The following ZBED6 variants were observed in gnomAD, a reference collection of about 807,000 sequenced individuals.
ZBED6 encodes the protein zinc finger BED domain-containing protein 6.
ZBED6 carries 40 observed loss-of-function variants against 58.4 expected under a neutral mutation model. The ratio of observed to expected loss-of-function variants is 0.68; its 90% CI spans 0.53 to 0.89. The LOEUF (loss-of-function observed/expected upper bound fraction) is 0.89. Among genes scored for constraint, ZBED6 ranks in the 40% least tolerant of loss-of-function variants. The pLI is 0.00. For missense variants in ZBED6, 1,057 were observed against 1,003.9 expected, an observed-to-expected ratio of 1.05 and a Z score of -0.71; for synonymous variants, 439 against 350.6, an observed-to-expected ratio of 1.25 and a Z score of -2.82.
At position 203,805,758 on chromosome 1, in the gene ZBED6, A is replaced by G. The variant is rs1672108570; in HGVS notation, c.*2554+2742A>G. On this transcript the variant is annotated intron_variant, in intron 1 of 16. Transcript: ENST00000550078. Reference sequence around the variant, plus strand: ...AGAACTCTTGGTCAGCCACAAGCTCATCACCCAGTGTATCCAACTCTGCTT... The same window carrying G: ...AGAACTCTTGGTCAGCCACAAGCTCGTCACCCAGTGTATCCAACTCTGCTT... 7.4e-6 allele frequency: 5 copies of G among 677,928 alleles called. No individual in the cohort carries two copies. The East Asian group carries it at 1.8e-4, about 24-fold the overall frequency. 42.0% of individuals were successfully genotyped at this position (677,928 alleles called of 1,614,324 possible).
intron 8 of ZBED6, among the ~76,000 whole-genome samples, chr1:203,832,550 G>A (rs750097691): frequency 6.6e-6 from 1 of 152,016 alleles, no homozygotes; most frequent in Admixed American, 6.6e-5. Context: ...TGGTAGAAAC[G>A]GGGTTTCACC....
At chr1:203,842,354 C>T (rs528419548) in intron 11 of ZBED6, among the ~76,000 whole-genome samples, 90 of 152,266 alleles carry the variant, frequency 5.9e-4, no homozygotes, top group Middle Eastern at 3.4e-3. Context: ...CCCGGCACCT[C>T]GGGAGGCTGA....
At chr1:203,837,445 C>T (rs1333970997) in intron 9 of ZBED6, among the ~76,000 whole-genome samples, 4 of 150,118 alleles carry the variant, frequency 2.7e-5, no homozygotes, top group South Asian at 4.2e-4. Flanking sequence ...TGTTCTTTCC[C>T]TTGTCTCTCT....
rs199840725 is a variant in ZBED6, at chr1:203,818,692, A to G, written c.*2873+3A>G. 304 of 1,614,076 alleles carry G rather than the reference A, an allele frequency of 1.9e-4. 1 individual carries two copies. In the African/African-American group the frequency reaches 3.6e-3, roughly 19 times the overall value. ...GGTTTCGGCACATGGAGATTGATGT[A>G]AGTTTTTTATTTCCGTTATCATAAT... On this transcript the variant is annotated splice_donor_region_variant and intron_variant, in intron 3 of 16. Transcript: ENST00000550078.
chr1:203,805,771 T>TC (rs1672114967), intron 1 of ZBED6: 2 of 691,334 alleles, frequency 2.9e-6, no homozygotes, highest in Non-Finnish European at 5.5e-6. Context: ...ACCCAGTGTA[T>TC]CCAACTCTGC....
exon 2 of ZBED6, chr1:203,816,957 A>C (rs546884020): frequency 3.3e-6 from 2 of 612,082 alleles, no homozygotes; most frequent in African/African-American, 3.8e-5. Flanking sequence ...TCTGTGATCA[A>C]GTTGTCATTT....
At chr1:203,838,195 T>C (rs985141115) in intron 10 of ZBED6, 131 bp downstream of exon 10, 13 of 864,962 alleles carry the variant, frequency 1.5e-5, no homozygotes, top group Non-Finnish European at 2.1e-5. Flanking sequence ...TATTATTCAC[T>C]CAACAAACAT....
intron 3 of ZBED6, among the ~76,000 whole-genome samples, chr1:203,825,593 C>T (rs1193357683): frequency 6.6e-6 from 1 of 151,952 alleles, no homozygotes; most frequent in Non-Finnish European, 1.5e-5. Flanking sequence ...CTCCACCATG[C>T]CCAGCTAATT....
chr1:203,829,703 A>G (rs374365948), intron 5 of ZBED6, 49 bp downstream of exon 5: 5 of 1,612,716 alleles, frequency 3.1e-6, no homozygotes, highest in Non-Finnish European at 4.2e-6. Flanking sequence ...AGGGTCTCAT[A>G]GTGAATTGGG....
intron 10 of ZBED6, among the ~76,000 whole-genome samples, chr1:203,839,419 G>T (rs1685394825): frequency 6.6e-6 from 1 of 152,128 alleles, no homozygotes; most frequent in African/African-American, 2.4e-5. Flanking sequence ...TGTATGACTT[G>T]CAGTGAAACA....
intron 6 of ZBED6, 108 bp from the exon 7 acceptor site, chr1:203,830,011 ATACT>A (rs1681750817): frequency 3.8e-6 from 5 of 1,299,340 alleles, no homozygotes; most frequent in Non-Finnish European, 4.4e-6. Context: ...ATACTTACCT[ATACT>A]TAGTTTCTGT....
At chr1:203,836,384 CT>C (rs1246579385) in intron 9 of ZBED6, among the ~76,000 whole-genome samples, 7 of 152,224 alleles carry the variant, frequency 4.6e-5, no homozygotes, top group Non-Finnish European at 1.0e-4. Context: ...AACAATGTAA[CT>C]TCAGTCAAGT....
intron 10 of ZBED6, among the ~76,000 whole-genome samples, chr1:203,839,571 T>C (rs1013338630): frequency 8.5e-5 from 13 of 152,324 alleles, no homozygotes; most frequent in African/African-American, 3.1e-4. Context: ...TTTGGAGGTT[T>C]TCTTGCATTC....
At chr1:203,798,579 A>G (rs775730425) in exon 1 of ZBED6, 8 of 1,536,174 alleles carry the variant, frequency 5.2e-6, no homozygotes, top group Non-Finnish European at 7.0e-6. Context: ...AGAAAAGTCT[A>G]CAGGCAGCCA....
chr1:203,798,821 T>G, exon 1 of ZBED6: 1 of 1,536,158 alleles, frequency 6.5e-7, no homozygotes, highest in Non-Finnish European at 8.7e-7. Context: ...CCCCAGCCTT[T>G]CAGAGGTTCA....
chr1:203,805,724 C>T (rs1297003720), intron 1 of ZBED6: 3 of 663,318 alleles, frequency 4.5e-6, no homozygotes, highest in Non-Finnish European at 8.7e-6. Flanking sequence ...GATGCTGGCT[C>T]ATCTAAATAG....
At chr1:203,834,956 T>G (rs1316120980) in intron 9 of ZBED6, among the ~76,000 whole-genome samples, 2 of 152,250 alleles carry the variant, frequency 1.3e-5, no homozygotes, top group Non-Finnish European at 2.9e-5. Context: ...AAAAAATTAT[T>G]TTGAAAATTT....
chr1:203,839,324 G>A (rs1023288432), intron 10 of ZBED6, among the ~76,000 whole-genome samples: 3 of 152,214 alleles, frequency 2.0e-5, no homozygotes, highest in African/African-American at 7.2e-5. Context: ...GTACAGGAAT[G>A]CACTATTGCG....
chr1:203,801,256 C>T (rs1272786739), exon 1 of ZBED6: 2 of 152,114 alleles, frequency 1.3e-5, no homozygotes, highest in Non-Finnish European at 2.9e-5. Flanking sequence ...ACCCAGTAGA[C>T]ATTTCCCAAA....
Sources: gnomAD v4.1 joint callset for allele counts (sites outside exome capture counted in the v4.1 genomes callset) on GRCh38, gnomAD v4.1.1 for gene constraint, MANE v1.5 for transcripts, NCBI Gene and HGNC (gene_info 2026-07-23, HGNC 2026-07-21) for gene names.